TRIM5: variants seen among roughly 807,000 people sequenced by gnomAD.
TRIM5 encodes the protein tripartite motif-containing protein 5.
Under a neutral mutation model 35.6 loss-of-function variants are expected in TRIM5, and 31 were observed. The ratio of observed to expected loss-of-function variants is 0.87; its 90% confidence interval spans 0.65 to 1.18. The LOEUF (loss-of-function observed/expected upper bound fraction) is 1.18. Among genes scored for constraint, TRIM5 ranks in the 50% most tolerant of loss-of-function variants. The pLI is 0.00. For synonymous variants in TRIM5, 243 were observed against 215.6 expected (o/e 1.13, Z -1.11); for missense variants, 609 against 591.6 (o/e 1.03, Z -0.31).
intron 1 of TRIM5, among the ~76,000 whole-genome samples, chr11:5,681,745 G>C (rs965484799): frequency 1.3e-5 from 2 of 152,180 alleles, no homozygotes; most frequent in Non-Finnish European, 2.9e-5. Context: ...CTCTCAGTGG[G>C]CTTCTGTTAC....
the TRIM5 span, among the ~76,000 whole-genome samples, chr11:5,598,915 T>C: frequency 1.3e-5 from 2 of 152,148 alleles, no homozygotes; most frequent in Admixed American, 6.5e-5. Context: ...AAAGGGCATT[T>C]CCCTTTATGT....
intron 1 of TRIM5, among the ~76,000 whole-genome samples, chr11:5,684,532 T>A (rs1216573587): frequency 6.6e-6 from 1 of 152,178 alleles, no homozygotes; most frequent in African/African-American, 2.4e-5. Flanking sequence ...GCAGAAACAC[T>A]ACATTAGTAA....
At chr11:5,597,003 G>A in the TRIM5 span, 1 of 1,598,620 alleles carries the variant, frequency 6.3e-7, no homozygotes, top group South Asian at 1.1e-5. Context: ...TTTCCCTTTC[G>A]GAACTCATTA....
chr11:5,643,694 C>T, the TRIM5 span: 1 of 1,588,040 alleles, frequency 6.3e-7, no homozygotes, highest in Non-Finnish European at 8.5e-7. Flanking sequence ...TGACTCTATG[C>T]CCACCAAGCT....
the TRIM5 span, among the ~76,000 whole-genome samples, chr11:5,620,205 TCTCA>T: frequency 8.3e-6 from 1 of 120,644 alleles, no homozygotes; most frequent in African/African-American, 3.2e-5. Context: ...TGAGACTGAG[TCTCA>T]CTCTGTCGCC....
chr11:5,642,323 G>A, the TRIM5 span: 4 of 1,261,810 alleles, frequency 3.2e-6, no homozygotes, highest in Non-Finnish European at 3.4e-6. Context: ...CATCAGTGAT[G>A]TGAAGGAGAT....
chr11:5,629,933 C>T, the TRIM5 span, among the ~76,000 whole-genome samples: 1 of 152,176 alleles, frequency 6.6e-6, no homozygotes, highest in East Asian at 1.9e-4. Flanking sequence ...GTCTTGATCT[C>T]CTTACCTCGT....
chr11:5,603,819 T>C, the TRIM5 span: 12 of 1,510,894 alleles, frequency 7.9e-6, no homozygotes, highest in Non-Finnish European at 8.8e-6. Flanking sequence ...ATCTAATCTC[T>C]TTGTAGTCTT....
chr11:5,677,645 C>G (rs1852094830), intron 4 of TRIM5, among the ~76,000 whole-genome samples: 1 of 152,082 alleles, frequency 6.6e-6, no homozygotes, highest in Admixed American at 6.5e-5. Flanking sequence ...ATGACTGGCC[C>G]GCCTGGGCCT....
the TRIM5 span, chr11:5,608,262 A>G: frequency 2.0e-6 from 3 of 1,501,282 alleles, no homozygotes; most frequent in East Asian, 2.4e-5. Context: ...CCTCCACATT[A>G]GGATTATCTT....
chr11:5,593,327 A>G, the TRIM5 span, among the ~76,000 whole-genome samples: 4 of 152,234 alleles, frequency 2.6e-5, no homozygotes, highest in Non-Finnish European at 4.4e-5. Context: ...TGAGTTAAGA[A>G]GGGTTTTCCA....
chr11:5,674,506 C>T (rs1486425420), intron 4 of TRIM5, among the ~76,000 whole-genome samples: 1 of 152,204 alleles, frequency 6.6e-6, no homozygotes, highest in Non-Finnish European at 1.5e-5. Flanking sequence ...GGAAAATGAG[C>T]ACCAAATGTT....
At chr11:5,609,964 GA>G in the TRIM5 span, among the ~76,000 whole-genome samples, 1 of 152,186 alleles carries the variant, frequency 6.6e-6, no homozygotes. Flanking sequence ...TGTAGATGGT[GA>G]GATGATAGTT....
the TRIM5 span, among the ~76,000 whole-genome samples, chr11:5,594,986 C>A: frequency 1.3e-5 from 2 of 152,114 alleles, no homozygotes; most frequent in Non-Finnish European, 2.9e-5. Context: ...TCTGAAATAA[C>A]CTTTGCGTGG....
chr11:5,610,915 C>T, the TRIM5 span: 3 of 1,614,180 alleles, frequency 1.9e-6, no homozygotes, highest in Non-Finnish European at 1.7e-6. Context: ...GTCCTGGGCT[C>T]CCAGCACTTC....
the TRIM5 span, among the ~76,000 whole-genome samples, chr11:5,623,773 G>C: frequency 0.24 from 36,789 of 151,948 alleles, 4,879 homozygotes; most frequent in East Asian, 0.45. Context: ...TATTCCCAAG[G>C]TATTGGATGT....
intron 4 of TRIM5, among the ~76,000 whole-genome samples, chr11:5,674,337 A>T (rs1484296457): frequency 2.0e-5 from 3 of 152,186 alleles, no homozygotes; most frequent in Non-Finnish European, 2.9e-5. Context: ...CAGAACTAAG[A>T]AATAGGGTGG....
At chr11:5,607,643 TG>T in the TRIM5 span, among the ~76,000 whole-genome samples, 3 of 152,158 alleles carry the variant, frequency 2.0e-5, no homozygotes, top group African/African-American at 7.2e-5. Context: ...GGATGTGAAG[TG>T]GACTGACTTG....
At chr11:5,592,020 CTG>C in the TRIM5 span, among the ~76,000 whole-genome samples, 1 of 152,152 alleles carries the variant, frequency 6.6e-6, no homozygotes, top group Non-Finnish European at 1.5e-5. Flanking sequence ...CACATGGACT[CTG>C]GAGCCCAAAA....
Sources: allele counts gnomAD v4.1 joint callset (sites outside exome capture counted in the v4.1 genomes callset), GRCh38; gene constraint gnomAD v4.1.1; transcripts MANE v1.5; gene names NCBI Gene and HGNC (gene_info 2026-07-23, HGNC 2026-07-21).